The following BTBD10 variants were observed in gnomAD, a reference collection of about 807,000 sequenced individuals.
The protein encoded by BTBD10 is BTB/POZ domain-containing protein 10.
In BTBD10, 21 loss-of-function variants were observed where a neutral mutation model predicts 53.2. The ratio of observed to expected loss-of-function variants is 0.39; its 90% CI spans 0.28 to 0.57. BTBD10 has a LOEUF of 0.57. BTBD10 is among the 20% of genes least tolerant of loss of function. The pLI, the probability that BTBD10 is intolerant of heterozygous loss-of-function variation, is 0.53. For missense variants in BTBD10, 360 were observed against 594.7 expected, an observed-to-expected ratio of 0.61 and a Z score of 4.10; for synonymous variants, 149 against 192.7, an observed-to-expected ratio of 0.77 and a Z score of 1.88.
chr11:13,420,452 ATAGG>A (rs1297072047), intron 3 of BTBD10, among the ~76,000 whole-genome samples: 5 of 152,136 alleles, frequency 3.3e-5, no homozygotes, highest in Non-Finnish European at 7.4e-5. Context: ...TGTAATTTTC[ATAGG>A]TAGAAAATAT....
intron 1 of BTBD10, chr11:13,462,585 C>A (rs1048891334): frequency 6.6e-6 from 1 of 152,234 alleles, no homozygotes; most frequent in African/African-American, 2.4e-5. Flanking sequence ...GACATCAGAA[C>A]CTTTTCCGTG....
intron 2 of BTBD10, among the ~76,000 whole-genome samples, chr11:13,430,827 T>C (rs960432324): frequency 1.4e-4 from 22 of 152,072 alleles, no homozygotes; most frequent in African/African-American, 4.3e-4. Context: ...TAGAGTACTG[T>C]ATAGAGCGAC....
chr11:13,432,374 A>C (rs1218951562), intron 2 of BTBD10, among the ~76,000 whole-genome samples: 1 of 152,162 alleles, frequency 6.6e-6, no homozygotes, highest in Non-Finnish European at 1.5e-5. Context: ...AACTGATAAA[A>C]TACAAGAAAG....
At chr11:13,403,119 C>A in intron 8 of BTBD10, 49 bp downstream of exon 8, 1 of 1,171,208 alleles carries the variant, frequency 8.5e-7, no homozygotes, top group Non-Finnish European at 1.2e-6. Flanking sequence ...TGTTTTTAAC[C>A]TTTTTGTTTT....
intron 8 of BTBD10, among the ~76,000 whole-genome samples, chr11:13,396,859 G>T (rs567099933): frequency 5.4e-4 from 82 of 152,270 alleles, no homozygotes; most frequent in African/African-American, 1.8e-3. Flanking sequence ...ATTTTTGCAT[G>T]TGGAACCAGC....
intron 1 of BTBD10, among the ~76,000 whole-genome samples, chr11:13,447,777 T>G (rs1016434576): frequency 6.6e-6 from 1 of 152,128 alleles, no homozygotes; most frequent in African/African-American, 2.4e-5. Context: ...TATTACCACA[T>G]GAAAGATTTT....
intron 2 of BTBD10, among the ~76,000 whole-genome samples, chr11:13,431,356 C>A (rs561345689): frequency 1.3e-5 from 2 of 152,240 alleles, no homozygotes; most frequent in Admixed American, 6.5e-5. Context: ...AGTAAACTTA[C>A]CACAAAAGCC....
intron 2 of BTBD10, among the ~76,000 whole-genome samples, chr11:13,425,539 A>T (rs1442978749): frequency 6.6e-6 from 1 of 152,182 alleles, no homozygotes; most frequent in African/African-American, 2.4e-5. Flanking sequence ...TAAAAACATT[A>T]AAAAGTCACT....
At chr11:13,408,701 A>T (rs1232204074) in intron 6 of BTBD10, among the ~76,000 whole-genome samples, 6 of 152,130 alleles carry the variant, frequency 3.9e-5, no homozygotes, top group Non-Finnish European at 7.4e-5. Flanking sequence ...TTTCCACTCC[A>T]CATTCAATTG....
intron 8 of BTBD10, among the ~76,000 whole-genome samples, chr11:13,401,444 G>C (rs1175400330): frequency 6.6e-6 from 1 of 152,138 alleles, no homozygotes; most frequent in East Asian, 1.9e-4. Flanking sequence ...CTCTCAAGGA[G>C]CTCACAGTCT....
intron 2 of BTBD10, among the ~76,000 whole-genome samples, chr11:13,424,108 T>C (rs532713500): frequency 6.6e-5 from 10 of 152,346 alleles, no homozygotes; most frequent in African/African-American, 2.2e-4. Flanking sequence ...ACAAAGATCA[T>C]ATATAGAAAA....
intron 2 of BTBD10, among the ~76,000 whole-genome samples, chr11:13,422,793 TAA>T (rs907980264): frequency 5.9e-5 from 9 of 152,214 alleles, no homozygotes; most frequent in Non-Finnish European, 1.3e-4. Context: ...GAATGCTGAT[TAA>T]AACAGTCCAG....
chr11:13,462,118 C>A lies in BTBD10; in HGVS notation c.-58+974G>T, dbSNP rs1591183376. Among the ~76,000 whole-genome samples the A allele has an allele frequency of 2.6e-5, 4 of 152,066 alleles. No individual in the cohort carries two copies. The East Asian group carries it at 7.7e-4, about 29-fold the overall frequency. On this transcript the variant is annotated intron_variant, in intron 1 of 8. Transcript: ENST00000278174. ...GTTATGGCTGCATTCTTTATTATAT[C>A]TCTTATTCCGATTTCCACAGTCTCT...
At chr11:13,396,234 C>G (rs1222644879) in intron 8 of BTBD10, among the ~76,000 whole-genome samples, 1 of 152,148 alleles carries the variant, frequency 6.6e-6, no homozygotes, top group African/African-American at 2.4e-5. Flanking sequence ...GTTTGTAGTT[C>G]TCCTTGAAGA....
At chr11:13,418,114 T>C (rs899385526) in intron 4 of BTBD10, among the ~76,000 whole-genome samples, 1 of 152,100 alleles carries the variant, frequency 6.6e-6, no homozygotes, top group African/African-American at 2.4e-5. Context: ...AGTTTCCTAA[T>C]TCAAATAGTT....
chr11:13,422,017 G>A lies in BTBD10; in HGVS notation c.102-179C>T, dbSNP rs114770592. Among the ~76,000 whole-genome samples, 804 of 152,230 alleles carry A rather than the reference G, an allele frequency of 5.3e-3. 9 individuals carry two copies. The highest frequency in any genetic ancestry group is 0.018 in the African/African-American group (743 of 41,534). On this transcript the variant is annotated intron_variant, in intron 2 of 8. Transcript: ENST00000278174. ...TAGGCTTTAAAAATTCTGGAATAAC[G>A]TGTCTTTGAAGATCACATACTTGAA...
rs1008031602 is a variant in BTBD10, at chr11:13,395,804, G to A, written c.1118-6663C>T. On this transcript the variant is annotated intron_variant, in intron 8 of 8. Transcript: ENST00000278174. ...CATCTATTAAATAGGGAATCCTTTC[G>A]CCATTGCTTGTTTTTGTCAGGTTTG... is the stretch of plus-strand genomic sequence containing the variant. Among the ~76,000 whole-genome samples, 18 of 152,128 alleles carry A rather than the reference G, an allele frequency of 1.2e-4. No homozygotes were observed. The South Asian group carries it at 3.5e-3, about 30-fold the overall frequency.
chr11:13,458,135 C>CAAAA (rs35036994), intron 1 of BTBD10, among the ~76,000 whole-genome samples: 10 of 62,874 alleles, frequency 1.6e-4, no homozygotes, highest in Admixed American at 1.8e-4. Context: ...GACTCCATCT[C>CAAAA]AAAAAAAAAA....
At chr11:13,398,355 G>T (rs1049768309) in intron 8 of BTBD10, among the ~76,000 whole-genome samples, 8 of 151,820 alleles carry the variant, frequency 5.3e-5, no homozygotes, top group South Asian at 2.1e-4. Flanking sequence ...TCAGAGACTA[G>T]GATTGAAACC....
Sources: allele counts gnomAD v4.1 joint callset (sites outside exome capture counted in the v4.1 genomes callset), GRCh38; gene constraint gnomAD v4.1.1; transcripts MANE v1.5; gene names NCBI Gene and HGNC (gene_info 2026-07-23, HGNC 2026-07-21).